Variants in DYRK4 observed in about 807,000 individuals in gnomAD.
DYRK4 encodes dual specificity tyrosine phosphorylation regulated kinase 4.
A neutral mutation model predicts 68.3 loss-of-function variants in DYRK4; 64 were observed. The observed-to-expected ratio is 0.94, with a 90% CI of 0.77 to 1.15. The LOEUF is 1.15. DYRK4 is among the 50% of genes most tolerant of loss of function. The pLI is 0.00. For synonymous variants in DYRK4, 274 were observed against 289.9 expected (o/e 0.95, Z 0.56); for missense variants, 740 against 764.7 (o/e 0.97, Z 0.38).
chr12:4,612,152 T>C (rs1381106653), intron 13 of DYRK4, among the ~76,000 whole-genome samples: 1 of 152,224 alleles, frequency 6.6e-6, no homozygotes, highest in Non-Finnish European at 1.5e-5. Context: ...TCTAGAATTC[T>C]GTAAATCTCC....
At chr12:4,594,344 C>A (rs1257122478) in intron 6 of DYRK4, among the ~76,000 whole-genome samples, 1 of 152,156 alleles carries the variant, frequency 6.6e-6, no homozygotes, top group Non-Finnish European at 1.5e-5. Context: ...TTGCTTCAGC[C>A]TCCAGAGTAG....
chr12:4,580,466 G>A (rs1176293335), intron 2 of DYRK4, among the ~76,000 whole-genome samples: 2 of 152,222 alleles, frequency 1.3e-5, no homozygotes, highest in African/African-American at 4.8e-5. Flanking sequence ...CAGTGGGAGA[G>A]ATGCTGTGAT....
intron 1 of DYRK4, among the ~76,000 whole-genome samples, chr12:4,563,459 C>T (rs1350735606): frequency 6.6e-6 from 1 of 152,196 alleles, no homozygotes; most frequent in Admixed American, 6.5e-5. Flanking sequence ...CTAAGCCCAT[C>T]GTGAGTGTGT....
At chr12:4,605,728 G>GT (rs780888385) in intron 11 of DYRK4, among the ~76,000 whole-genome samples, 38 of 68,916 alleles carry the variant, frequency 5.5e-4, no homozygotes, top group Admixed American at 1.0e-3. Flanking sequence ...AATAGAGCTG[G>GT]GTTTTTTTTT....
intron 10 of DYRK4, among the ~76,000 whole-genome samples, chr12:4,604,394 T>C (rs756376756): frequency 6.6e-6 from 1 of 152,206 alleles, no homozygotes; most frequent in Non-Finnish European, 1.5e-5. Context: ...CGGAAATAAC[T>C]ACCGTGTTCC....
rs780631150 is a variant in DYRK4, at chr12:4,596,285, G to C, written c.764G>C (p.Arg255Thr). The part of the protein sequence containing the change: ...VALKIIRNKK[R>T]FHQQALMELK... ...CTGAAAATCATCAGGAACAAGAAGA[G>C]GTGTGGCTTGGGGATGACATAGGCC... The change falls in exon 7 of 15, where the codon AGG becomes ACG. Residue 255 changes from arginine (R) to threonine (T), a missense_variant and splice_region_variant. Physicochemically the swap from Arg to Thr is moderately conservative, Grantham distance 71 (BLOSUM62 -1). Transcript: ENST00000543431. 1 of 1,614,172 alleles carries C rather than the reference G, an allele frequency of 6.2e-7. No homozygotes were observed. The highest frequency in any genetic ancestry group is 1.3e-5 in the African/African-American group (1 of 75,050).
At chr12:4,597,227 C>A in intron 8 of DYRK4, 1 of 862,214 alleles carries the variant, frequency 1.2e-6, no homozygotes, top group East Asian at 1.2e-4. Flanking sequence ...CGTGGCCTGG[C>A]TGAATATTGG....
intron 1 of DYRK4, among the ~76,000 whole-genome samples, chr12:4,563,866 A>T (rs1449452824): frequency 1.3e-5 from 2 of 152,258 alleles, no homozygotes; most frequent in Non-Finnish European, 2.9e-5. Flanking sequence ...TGCTCAATAT[A>T]GTTTATTCTT....
At chr12:4,596,957 G>T in intron 8 of DYRK4, 2 of 1,388,042 alleles carry the variant, frequency 1.4e-6, no homozygotes, top group South Asian at 3.2e-5. Context: ...CTTCCCTGGT[G>T]CTGGGTACTG....
chr12:4,590,088 G>A, intron 3 of DYRK4: 1 of 1,225,264 alleles, frequency 8.2e-7, no homozygotes, highest in Non-Finnish European at 1.0e-6. Flanking sequence ...AGTGTGAGCT[G>A]TTGAAAGCCT....
chr12:4,591,068 C>T lies in DYRK4; in HGVS notation c.325-92C>T. ...CTGGAGAGGTAGGTAAAGAGCCTGG[C>T]TGAAGGTGGGTGTCTTTGGTTAAAT... is the stretch of plus-strand genomic sequence containing the variant. On this transcript the variant is annotated intron_variant, in intron 4 of 14. Transcript: ENST00000543431. This position sits in a 1 kb window ranked among gnomAD's most constrained non-coding sequence, Gnocchi z 4.1. 6.8e-7 allele frequency: 1 copy of T among 1,472,622 alleles called. No homozygotes were observed. Among genetic ancestry groups the T allele is most frequent in the South Asian group, 1.4e-5 (1 of 74,068 alleles). The allele number at this position is 1,472,622 out of a possible 1,614,324, so 91.2% of individuals were successfully genotyped here.
intron 2 of DYRK4, among the ~76,000 whole-genome samples, chr12:4,587,273 G>A (rs1944906940): frequency 6.6e-6 from 1 of 152,110 alleles, no homozygotes; most frequent in African/African-American, 2.4e-5. Flanking sequence ...GTTTCACTGA[G>A]CAAGCATGCT....
At chr12:4,602,360 T>C (rs1395768590) in intron 10 of DYRK4, 1 of 902,586 alleles carries the variant, frequency 1.1e-6, no homozygotes, top group South Asian at 1.4e-5. Context: ...AGCTTTTCTC[T>C]CTTTTGTTCT....
Position 4,605,729 on chromosome 12 carries a change from GTT to G in DYRK4, c.1299+668_1299+669del, listed in dbSNP as rs58963826. 2.2e-3 allele frequency among the ~76,000 whole-genome samples: 224 copies of G among 102,064 alleles called. 1 individual carries two copies. The highest frequency in any genetic ancestry group is 7.8e-3 in the Middle Eastern group (1 of 128). The allele number at this position is 102,064 out of a possible 152,430, so 67.0% of individuals were successfully genotyped here. ...CTCTTAGAAAAATGAATAGAGCTGG[GTT>G]TTTTTTTTTTTTTTTTTTTTTTTTC... On this transcript the variant is annotated intron_variant, in intron 11 of 14. Coordinates refer to ENST00000543431, the MANE Select transcript of DYRK4 (RefSeq NM_001394779.1).
At chr12:4,610,445 G>C in intron 13 of DYRK4, 161 bp downstream of exon 13, 1 of 654,886 alleles carries the variant, frequency 1.5e-6, no homozygotes, top group Non-Finnish European at 2.4e-6. Flanking sequence ...CACATCTGTT[G>C]TTTCATCAGA....
chr12:4,567,894 G>T (rs1426359776), intron 1 of DYRK4, 61 bp from the exon 2 acceptor site: 2 of 1,368,444 alleles, frequency 1.5e-6, no homozygotes, highest in Non-Finnish European at 2.0e-6. Context: ...CCCTGAGTGT[G>T]TGGGCCATTA....
intron 2 of DYRK4, among the ~76,000 whole-genome samples, chr12:4,582,338 G>C (rs1225487549): frequency 6.6e-6 from 1 of 152,212 alleles, no homozygotes; most frequent in South Asian, 2.1e-4. Context: ...CAGCTACTCG[G>C]GAGGCTGAGG....
chr12:4,569,804 A>T (rs1944712792), intron 2 of DYRK4, among the ~76,000 whole-genome samples: 1 of 152,084 alleles, frequency 6.6e-6, no homozygotes, highest in Non-Finnish European at 1.5e-5. Context: ...TCTCTGTTGC[A>T]TGAGGATAGC....
chr12:4,564,891 T>A (rs969794159), intron 1 of DYRK4, among the ~76,000 whole-genome samples: 1 of 152,148 alleles, frequency 6.6e-6, no homozygotes, highest in Non-Finnish European at 1.5e-5. Context: ...AAAAAATATA[T>A]GCACCTAAGA....
Sources: allele counts gnomAD v4.1 joint callset (sites outside exome capture counted in the v4.1 genomes callset), GRCh38; gene constraint gnomAD v4.1.1; non-coding constraint Gnocchi (gnomAD v3.1); transcripts MANE v1.5; gene names NCBI Gene and HGNC (gene_info 2026-07-23, HGNC 2026-07-21).